The following EVL variants were observed in gnomAD, a reference collection of about 807,000 sequenced individuals.
The protein encoded by EVL is Enah/Vasp-like, also known as ena/VASP-like protein.
In EVL, 21 loss-of-function variants were observed where a neutral mutation model predicts 59.6. That is an observed-to-expected ratio of 0.35 (90% CI 0.25 to 0.51). The LOEUF (loss-of-function observed/expected upper bound fraction) is 0.51, where lower values mean the gene tolerates loss of function less well. Among genes scored for constraint, EVL ranks in the 20% least tolerant of loss-of-function variants. EVL has a pLI of 0.97. For synonymous variants in EVL, 198 were observed against 203.5 expected, an observed-to-expected ratio of 0.97 and a Z score of 0.23; for missense variants, 462 against 546.6, an observed-to-expected ratio of 0.85 and a Z score of 1.54.
intron 1 of EVL, among the ~76,000 whole-genome samples, chr14:100,047,885 A>G (rs1298493860): frequency 6.6e-6 from 1 of 152,242 alleles, no homozygotes; most frequent in Admixed American, 6.5e-5. Context: ...TAGCCTTTTC[A>G]GCAAATGGTA....
intron 1 of EVL, among the ~76,000 whole-genome samples, chr14:99,984,172 A>G (rs2060825917): frequency 6.6e-6 from 1 of 152,190 alleles, no homozygotes. Flanking sequence ...AGCAAAAGCT[A>G]TTTTATTATG....
rs530486007 is a variant in EVL at position 100,075,238 on chromosome 14, TCTC to T, written c.12-9443_12-9441del. Among the ~76,000 whole-genome samples, 223 of 152,302 alleles carry T rather than the reference TCTC, an allele frequency of 1.5e-3. 1 individual carries two copies. Among genetic ancestry groups the T allele is most frequent in the Middle Eastern group, 6.8e-3 (2 of 294 alleles). On this transcript the variant is annotated intron_variant, in intron 1 of 13. Transcript: ENST00000392920. ...AATTTGGCAAAGGAGAAAGCCCCTG[TCTC>T]CTCCTGTGTGCCGGGCCTTGTCTTG... is the stretch of plus-strand genomic sequence containing the variant.
rs149770227 is a variant in EVL, at chr14:100,144,109, C to T, written c.*371C>T. 6.6e-5 allele frequency: 21 copies of T among 319,464 alleles called. No individual in the cohort carries two copies. The highest frequency in any genetic ancestry group is 1.0e-4 in the Non-Finnish European group (17 of 169,782). The allele number at this position is 319,464 out of a possible 1,614,324, so 19.8% of individuals were successfully genotyped here. The stretch of plus-strand genomic sequence containing the variant: ...CAGCTGGCGGTGACAGCCGGCCCAG[C>T]GTGGCGCCACCACACACCGCAGAGC... On this transcript the variant is annotated 3_prime_UTR_variant, in exon 14 of 14. Coordinates refer to ENST00000392920, the MANE Select transcript of EVL (RefSeq NM_016337.3).
At position 100,085,539 on chromosome 14, in the gene EVL, A is replaced by G. The variant is rs540216151; in HGVS notation, c.180+684A>G. ...CCAACTCTCTTCTTATAGATTGACA[A>G]GAGCATTTATAGCAGTGAATTTAAC... is the stretch of plus-strand genomic sequence containing the variant. On this transcript the variant is annotated intron_variant, in intron 2 of 13. Transcript: ENST00000392920. Among the ~76,000 whole-genome samples, 4 of 152,322 alleles carry G rather than the reference A, an allele frequency of 2.6e-5. 1 individual carries two copies. Among genetic ancestry groups the G allele is most frequent in the African/African-American group, 9.6e-5 (4 of 41,574 alleles).
At chr14:99,978,033 G>GT (rs2060781859) in intron 1 of EVL, 1 of 148,926 alleles carries the variant, frequency 6.7e-6, no homozygotes, top group Non-Finnish European at 1.5e-5. Flanking sequence ...GAAGGCAGAG[G>GT]TTACAGTAAG....
intron 1 of EVL, among the ~76,000 whole-genome samples, chr14:100,046,723 ACGTCAGGAGGGTTGATTTTCTTTTTCT>A (rs2061552335): frequency 6.7e-6 from 1 of 150,234 alleles, no homozygotes; most frequent in African/African-American, 2.4e-5. Context: ...CCTGGGCTAA[ACGTCAGGAGGGTTGATTTTCTTTTTCT>A]TTCTTTTTTT....
chr14:100,089,344 A>G (rs2062514905), intron 2 of EVL, among the ~76,000 whole-genome samples: 1 of 152,274 alleles, frequency 6.6e-6, no homozygotes, highest in Non-Finnish European at 1.5e-5. Flanking sequence ...CTTCTCAAGT[A>G]AACAAAACAT....
intron 11 of EVL, chr14:100,140,105 GAAAA>G (rs575970067): frequency 2.3e-4 from 33 of 146,048 alleles, no homozygotes; most frequent in African/African-American, 8.3e-4. Flanking sequence ...AGTTAAAAAA[GAAAA>G]AAAAAAGGGC....
At chr14:99,986,154 T>TGGTG (rs1164635209) in intron 1 of EVL, among the ~76,000 whole-genome samples, 1 of 151,866 alleles carries the variant, frequency 6.6e-6, no homozygotes, top group Non-Finnish European at 1.5e-5. Context: ...TAGCCAGACG[T>TGGTG]GGTGGCATGT....
At chr14:99,987,591 G>A (rs1041585948) in intron 1 of EVL, among the ~76,000 whole-genome samples, 1 of 152,186 alleles carries the variant, frequency 6.6e-6, no homozygotes, top group Non-Finnish European at 1.5e-5. Context: ...GCAGTGAGCC[G>A]AGATTGCACC....
intron 1 of EVL, among the ~76,000 whole-genome samples, chr14:99,984,233 G>A (rs2060826201): frequency 6.6e-6 from 1 of 152,178 alleles, no homozygotes; most frequent in African/African-American, 2.4e-5. Context: ...AGTCTGTTGT[G>A]TCCTTACTGC....
At chr14:100,137,465 G>C (rs1358110452) in intron 9 of EVL, 113 bp from the exon 10 acceptor site, 1 of 1,125,506 alleles carries the variant, frequency 8.9e-7, no homozygotes, top group Non-Finnish European at 1.3e-6. Flanking sequence ...CCTGCCACGG[G>C]GCTCTGCACC....
intron 1 of EVL, among the ~76,000 whole-genome samples, chr14:100,005,410 G>A (rs2060971982): frequency 6.6e-6 from 1 of 152,024 alleles, no homozygotes; most frequent in Non-Finnish European, 1.5e-5. Flanking sequence ...TTTAAGCTGG[G>A]TTTATAGTTT....
intron 1 of EVL, among the ~76,000 whole-genome samples, chr14:99,983,904 T>C (rs568210165): frequency 6.6e-6 from 1 of 152,292 alleles, no homozygotes; most frequent in Admixed American, 6.5e-5. Context: ...ACTGTTTATA[T>C]GTATGTAATT....
chr14:99,992,820 C>T (rs994732751), intron 1 of EVL, among the ~76,000 whole-genome samples: 6 of 152,144 alleles, frequency 3.9e-5, no homozygotes, highest in Non-Finnish European at 8.8e-5. Flanking sequence ...ATGATGTTAA[C>T]TGTGAGCTTT....
At chr14:100,137,439 A>T in intron 9 of EVL, 139 bp from the exon 10 acceptor site, 1 of 853,500 alleles carries the variant, frequency 1.2e-6, no homozygotes, top group Non-Finnish European at 1.9e-6. Context: ...GTTTTGGCTT[A>T]ACTCAATCAG....
Position 100,004,215 on chromosome 14 carries a change from A to G in EVL, c.5+32158A>G, listed in dbSNP as rs560763273. Among the ~76,000 whole-genome samples, 15 of 152,270 alleles carry G rather than the reference A, an allele frequency of 9.9e-5. 1 individual carries two copies. The highest frequency in any genetic ancestry group is 2.6e-4 in the African/African-American group (11 of 41,544). On this transcript the variant is annotated intron_variant, in intron 1 of 13. Coordinates refer to the EVL transcript ENST00000402714. The stretch of plus-strand genomic sequence containing the variant: ...TGAGACTGTGTCTCAAAATCAACCA[A>G]CCAACCAACCAACAAACAAATGTTA...
At chr14:100,133,081 C>T (rs1351866372) in intron 8 of EVL, among the ~76,000 whole-genome samples, 1 of 152,246 alleles carries the variant, frequency 6.6e-6, no homozygotes, top group African/African-American at 2.4e-5. Flanking sequence ...CCGGGGAGCA[C>T]AGACCAGCCA....
chr14:100,075,766 C>G (rs566034375), intron 1 of EVL, among the ~76,000 whole-genome samples: 16 of 152,288 alleles, frequency 1.1e-4, no homozygotes, highest in African/African-American at 3.6e-4. Flanking sequence ...AGACATATAC[C>G]TACTGAGCGT....
Sources: allele counts gnomAD v4.1 joint callset (sites outside exome capture counted in the v4.1 genomes callset), GRCh38; gene constraint gnomAD v4.1.1; transcripts MANE v1.5; gene names NCBI Gene and HGNC (gene_info 2026-07-23, HGNC 2026-07-21).